Variants in FRMPD4 observed in about 807,000 individuals in gnomAD.
FRMPD4 encodes the protein FERM and PDZ domain-containing protein 4.
Under a neutral mutation model 94.1 loss-of-function variants are expected in FRMPD4, and 22 were observed. The ratio of observed to expected loss-of-function variants is 0.23; its 90% CI spans 0.17 to 0.33. The LOEUF is 0.33. Among genes scored for constraint, FRMPD4 ranks in the 10% least tolerant of loss-of-function variants. The pLI is 1.00. For synonymous variants in FRMPD4, 631 were observed against 548.6 expected, an observed-to-expected ratio of 1.15 and a Z score of -2.10; for missense variants, 1,111 against 1,339.9, an observed-to-expected ratio of 0.83 and a Z score of 2.67.
chrX:12,631,436 G>A (rs1188639341), intron 4 of FRMPD4, among the ~76,000 whole-genome samples: 1 of 111,896 alleles, frequency 8.9e-6, no homozygotes, highest in Non-Finnish European at 1.9e-5. Context: ...GGGTACATGT[G>A]CAGAATGTGC....
intron 1 of FRMPD4, among the ~76,000 whole-genome samples, chrX:12,480,672 A>C (rs200765652): frequency 8.9e-6 from 1 of 112,162 alleles, no homozygotes; most frequent in East Asian, 2.8e-4. Context: ...AAATGGTCTT[A>C]GTTATTTCAA....
rs1414462417 is a variant in FRMPD4 at position 12,193,789 on chromosome X, AGG to A, written c.41+54778_41+54779del. ...AAGAAAGAAAGGAAGGAAGGAAGGA[AGG>A]AAGGAAGGAAGGAAGGAAGGAAGGA... On this transcript the variant is annotated intron_variant, in intron 1 of 16. Coordinates refer to ENST00000675598, the MANE Select transcript of FRMPD4 (RefSeq NM_001368397.1). Among the ~76,000 whole-genome samples the A allele has an allele frequency of 1.1e-3, 25 of 22,741 alleles. 1 individual carries two copies. The highest frequency in any genetic ancestry group is 1.4e-3 in the Non-Finnish European group (22 of 15,207). 19.7% of individuals were successfully genotyped at this position (22,741 alleles called of 115,157 possible).
chrX:12,385,525 G>T (rs773313916), intron 1 of FRMPD4, among the ~76,000 whole-genome samples: 4 of 112,052 alleles, frequency 3.6e-5, no homozygotes, highest in Non-Finnish European at 5.6e-5. Flanking sequence ...CTGTATAATT[G>T]TCACAAGGTC....
intron 1 of FRMPD4, among the ~76,000 whole-genome samples, chrX:12,379,464 G>A (rs1459704016): frequency 9.0e-6 from 1 of 111,372 alleles, no homozygotes; most frequent in Non-Finnish European, 1.9e-5. Flanking sequence ...CATATAAATT[G>A]CAATTTAAAA....
At chrX:11,859,596 T>C (rs975932283) in intron 1 of FRMPD4, among the ~76,000 whole-genome samples, 3 of 112,405 alleles carry the variant, frequency 2.7e-5, no homozygotes, top group Non-Finnish European at 3.8e-5. Context: ...TAGTTTGCTT[T>C]GCTGTGCAAT....
At chrX:12,408,420 TAC>T (rs1276233413) in intron 1 of FRMPD4, among the ~76,000 whole-genome samples, 2 of 111,143 alleles carry the variant, frequency 1.8e-5, no homozygotes, top group African/African-American at 3.3e-5. Context: ...CACTGCTTTG[TAC>T]ATATTAAGTT....
At chrX:12,274,984 G>A (rs138810801) in intron 1 of FRMPD4, among the ~76,000 whole-genome samples, 2,518 of 112,051 alleles carry the variant, frequency 0.022, 66 homozygotes, top group African/African-American at 0.077. Context: ...ACTCCAGCCC[G>A]GGCAACAGAG....
intron 2 of FRMPD4, among the ~76,000 whole-genome samples, chrX:12,533,829 T>C (rs934405218): frequency 1.7e-4 from 19 of 112,286 alleles, no homozygotes; most frequent in African/African-American, 5.8e-4. Context: ...AAGCAGAGCA[T>C]AAAAGTTCAA....
intron 2 of FRMPD4, among the ~76,000 whole-genome samples, chrX:12,585,226 A>ATTTT (rs60514161): frequency 9.6e-6 from 1 of 104,068 alleles, no homozygotes; most frequent in African/African-American, 3.5e-5. Context: ...CAAATAATCA[A>ATTTT]TTTTTTTTTT....
Position 12,718,747 on chromosome X carries a change from G to A in FRMPD4, c.3921G>A (p.Leu1307=). 1 of 1,208,346 alleles carries A rather than the reference G, an allele frequency of 8.3e-7. No individual in the cohort carries two copies. The highest frequency in any genetic ancestry group is 1.8e-5 in the South Asian group (1 of 56,832). ...ACACCGAACCCCTGTTTGGCACATTGAGAGATGGATGCCATCGGCTCCCCA... is the reference window on the plus strand; with the variant it reads ...ACACCGAACCCCTGTTTGGCACATTAAGAGATGGATGCCATCGGCTCCCCA... ...AINTEPLFGT[L]RDGCHRLPKI... Residue 1307 remains leucine (L), a synonymous_variant, in exon 16 of 17, where the codon TTG becomes TTA. Coordinates refer to ENST00000675598, the MANE Select transcript of FRMPD4 (RefSeq NM_001368397.1).
At chrX:12,708,905 C>T (rs745681913) in intron 13 of FRMPD4, 6 of 112,415 alleles carry the variant, frequency 5.3e-5, no homozygotes, top group Non-Finnish European at 1.1e-4. Context: ...ACCTGTAGGA[C>T]TTCATGGGCT....
In FRMPD4 at chrX:12,717,099, C is replaced by A. The variant is rs372610152; in HGVS notation, c.2640C>A (p.Ser880=). 1 of 1,186,758 alleles carries A rather than the reference C, an allele frequency of 8.4e-7. No individual in the cohort carries two copies. The highest frequency in any genetic ancestry group is 2.3e-5 in the Admixed American group (1 of 44,136). Residue 880 remains serine (S), a synonymous_variant, in exon 15 of 17, where the codon TCC becomes TCA. Coordinates refer to ENST00000675598, the MANE Select transcript of FRMPD4 (RefSeq NM_001368397.1). Reference sequence around the variant, plus strand: ...CGCTGGGAGCTCTAGAGGCTCTATCCGTGTCAGAAGAACAGCAGACCAGTG... The same window carrying A: ...CGCTGGGAGCTCTAGAGGCTCTATCAGTGTCAGAAGAACAGCAGACCAGTG... ...VSTLGALEAL[S]VSEEQQTSDN... is the part of the protein sequence containing the mutation.
chrX:12,278,187 AT>A lies in FRMPD4; in HGVS notation c.41+139182del, dbSNP rs1385604838. Among the ~76,000 whole-genome samples, 6 of 111,760 alleles carry A rather than the reference AT, an allele frequency of 5.4e-5. No individual in the cohort carries two copies. In the Admixed American group the frequency reaches 5.7e-4, roughly 11 times the overall value. The stretch of plus-strand genomic sequence containing the variant: ...AGAAGTTCATACCTTTTCTCAATAA[AT>A]TTTTTTCCATCTAAAAGTCAGTGTT... On this transcript the variant is annotated intron_variant, in intron 1 of 16. Coordinates refer to ENST00000675598, the MANE Select transcript of FRMPD4 (RefSeq NM_001368397.1).
chrX:12,189,700 CA>C (rs1291775299), intron 1 of FRMPD4, among the ~76,000 whole-genome samples: 1 of 111,200 alleles, frequency 9.0e-6, no homozygotes, highest in Non-Finnish European at 1.9e-5. Flanking sequence ...AAGCATTTGG[CA>C]AAATCCAACT....
intron 11 of FRMPD4, among the ~76,000 whole-genome samples, chrX:12,706,365 C>T (rs1016769269): frequency 8.9e-6 from 1 of 111,734 alleles, no homozygotes; most frequent in Non-Finnish European, 1.9e-5. Context: ...GAAGGCTTTG[C>T]CTAGATTGCA....
At chrX:12,093,202 G>A (rs758188119) in intron 3 of FRMPD4, among the ~76,000 whole-genome samples, 3 of 111,418 alleles carry the variant, frequency 2.7e-5, no homozygotes, top group Non-Finnish European at 5.7e-5. Flanking sequence ...TTTCCTTTGG[G>A]CAAGATAGGG....
chrX:12,174,473 G>T (rs1388020944), intron 1 of FRMPD4, among the ~76,000 whole-genome samples: 1 of 111,721 alleles, frequency 9.0e-6, no homozygotes, highest in Non-Finnish European at 1.9e-5. Context: ...GACATAAACA[G>T]TTCCTTAATT....
At chrX:12,230,716 C>T (rs991901317) in intron 1 of FRMPD4, among the ~76,000 whole-genome samples, 1 of 105,919 alleles carries the variant, frequency 9.4e-6, no homozygotes, top group South Asian at 4.2e-4. Context: ...TTTTTCTTCC[C>T]TATTTGCATT....
At chrX:12,223,107 A>G (rs1315426719) in intron 1 of FRMPD4, among the ~76,000 whole-genome samples, 1 of 112,237 alleles carries the variant, frequency 8.9e-6, no homozygotes, top group East Asian at 2.8e-4. Flanking sequence ...CAGTGGGTAT[A>G]TAACCAAAGG....
Sources: allele counts gnomAD v4.1 joint callset (sites outside exome capture counted in the v4.1 genomes callset), GRCh38; gene constraint gnomAD v4.1.1; transcripts MANE v1.5; gene names NCBI Gene and HGNC (gene_info 2026-07-23, HGNC 2026-07-21).